The following CDH18 variants were observed in gnomAD, a reference collection of about 807,000 sequenced individuals.
The protein encoded by CDH18 is cadherin 18.
Under a neutral mutation model 67.9 loss-of-function variants are expected in CDH18, and 31 were observed. The observed-to-expected ratio is 0.46, with a 90% confidence interval of 0.34 to 0.62. The LOEUF is 0.62. Among genes scored for constraint, CDH18 ranks in the 20% least tolerant of loss-of-function variants. The probability of loss-of-function intolerance (pLI) is 0.01; values close to 1 mark genes in which losing one functional copy is unlikely to be tolerated. For synonymous variants in CDH18, 362 were observed against 347.2 expected, an observed-to-expected ratio of 1.04 and a Z score of -0.48; for missense variants, 890 against 975.5, an observed-to-expected ratio of 0.91 and a Z score of 1.17.
Position 20,299,613 on chromosome 5 carries a change from G to T in CDH18, c.-579-44108C>A, listed in dbSNP as rs899754749. 8.5e-5 allele frequency among the ~76,000 whole-genome samples: 13 copies of T among 152,088 alleles called. No individual in the cohort carries two copies. The East Asian group carries it at 2.5e-3, about 30-fold the overall frequency. On this transcript the variant is annotated intron_variant, in intron 1 of 14. Coordinates refer to the CDH18 transcript ENST00000507958. ...GTCTCTACTAAAAATACAAAAATTA[G>T]CCGGGCGTGGTGGTGCATGCCTGTA...
At chr5:20,385,040 T>C (rs1323381135) in intron 1 of CDH18, among the ~76,000 whole-genome samples, 2 of 152,144 alleles carry the variant, frequency 1.3e-5, no homozygotes, top group African/African-American at 4.8e-5. Context: ...TTTCGCCATG[T>C]TGGCCAGGCT....
rs565679762 is a variant in CDH18 at position 20,493,532 on chromosome 5, G to A, written c.-580+81930C>T. Among the ~76,000 whole-genome samples the A allele has an allele frequency of 2.6e-5, 4 of 152,172 alleles. No homozygotes were observed. The East Asian group carries it at 7.8e-4, about 30-fold the overall frequency. ...CAGCTACCATCATTTGCATAAGGCA[G>A]ACCCCAAGGCAGGTGGGGTGCTGGA... On this transcript the variant is annotated intron_variant, in intron 1 of 14. Coordinates refer to the CDH18 transcript ENST00000507958.
At chr5:20,304,917 G>C in intron 1 of CDH18, 1 of 1,613,016 alleles carries the variant, frequency 6.2e-7, no homozygotes, top group Non-Finnish European at 8.5e-7. Context: ...CACAGAGGGG[G>C]TTTGTATTCA....
chr5:19,669,893 A>C (rs926902599), intron 5 of CDH18, among the ~76,000 whole-genome samples: 1 of 152,102 alleles, frequency 6.6e-6, no homozygotes, highest in Non-Finnish European at 1.5e-5. Flanking sequence ...AACAGAATCA[A>C]ATTTTATGTT....
intron 3 of CDH18, among the ~76,000 whole-genome samples, chr5:19,756,550 C>T (rs567905005): frequency 3.0e-4 from 45 of 152,274 alleles, no homozygotes; most frequent in Middle Eastern, 3.4e-3. Context: ...AAATGGATCT[C>T]CTGTATCCCA....
intron 2 of CDH18, among the ~76,000 whole-genome samples, chr5:20,020,089 T>G (rs1019516539): frequency 2.0e-5 from 3 of 152,126 alleles, no homozygotes; most frequent in Non-Finnish European, 4.4e-5. Context: ...ACTTTGAACT[T>G]CAGAGAGATG....
At chr5:20,250,568 G>A (rs1013443892) in intron 2 of CDH18, among the ~76,000 whole-genome samples, 2 of 141,948 alleles carry the variant, frequency 1.4e-5, no homozygotes, top group African/African-American at 5.3e-5. Flanking sequence ...TGGGATTACA[G>A]GCGTGAGCCA....
intron 1 of CDH18, among the ~76,000 whole-genome samples, chr5:20,363,914 A>T (rs1392947861): frequency 6.6e-6 from 1 of 152,086 alleles, no homozygotes; most frequent in African/African-American, 2.4e-5. Flanking sequence ...GTCAGGCACT[A>T]CCATGTCCAT....
rs1046692297 is a variant in CDH18, at chr5:19,747,076, G to A, written c.389C>T (p.Ala130Val). Reference sequence around the variant, plus strand: ...AGGTTTGTTTGTACGTCTATCAATAGCTTGAGCATGAAGCACATAGTGGGT... The same window carrying A: ...AGGTTTGTTTGTACGTCTATCAATAACTTGAGCATGAAGCACATAGTGGGT... The part of the protein sequence containing the change: ...QKTHYVLHAQ[A>V]IDRRTNKPLE... Residue 130 changes from alanine (A) to valine (V), a missense_variant, in exon 4 of 13, where the codon GCT (alanine) becomes GTT (valine). Coordinates refer to ENST00000382275, the MANE Select transcript of CDH18 (RefSeq NM_004934.5). The A allele has an allele frequency of 6.2e-7, 1 of 1,614,056 alleles. No homozygotes were observed. The highest frequency in any genetic ancestry group is 8.5e-7 in the Non-Finnish European group (1 of 1,180,000).
intron 2 of CDH18, among the ~76,000 whole-genome samples, chr5:20,194,140 T>G (rs1040839387): frequency 6.6e-6 from 1 of 151,944 alleles, no homozygotes; most frequent in Non-Finnish European, 1.5e-5. Flanking sequence ...GAGAAAGAAA[T>G]AAAGGGTATT....
chr5:20,502,669 G>A (rs919073946), intron 1 of CDH18, among the ~76,000 whole-genome samples: 2 of 152,138 alleles, frequency 1.3e-5, no homozygotes, highest in African/African-American at 4.8e-5. Flanking sequence ...AGATAAATAT[G>A]ATCATGACAT....
intron 1 of CDH18, among the ~76,000 whole-genome samples, chr5:20,522,871 C>G (rs1281877197): frequency 6.6e-6 from 1 of 152,104 alleles, no homozygotes; most frequent in Non-Finnish European, 1.5e-5. Context: ...GAATAAAAAT[C>G]CAATAACTCA....
chr5:20,016,862 A>C (rs551227517), intron 2 of CDH18, among the ~76,000 whole-genome samples: 67 of 152,250 alleles, frequency 4.4e-4, no homozygotes, highest in African/African-American at 1.4e-3. Context: ...TGCAGTTTCC[A>C]AGTCATGTTA....
intron 4 of CDH18, among the ~76,000 whole-genome samples, chr5:19,728,028 T>C (rs1767079075): frequency 6.6e-6 from 1 of 152,134 alleles, no homozygotes; most frequent in African/African-American, 2.4e-5. Flanking sequence ...ATTTTATGCA[T>C]AGTAGAAAAG....
intron 3 of CDH18, among the ~76,000 whole-genome samples, chr5:19,784,760 C>T (rs1273873129): frequency 6.6e-6 from 1 of 152,098 alleles, no homozygotes; most frequent in East Asian, 1.9e-4. Flanking sequence ...CTAGGAGAGA[C>T]TAACTAGGAG....
intron 4 of CDH18, among the ~76,000 whole-genome samples, chr5:19,740,564 C>G (rs1768975079): frequency 1.3e-5 from 2 of 152,070 alleles, no homozygotes; most frequent in South Asian, 4.1e-4. Context: ...AGACAAACAC[C>G]TTTACCAGCT....
At chr5:20,394,119 A>C (rs1262985171) in intron 1 of CDH18, among the ~76,000 whole-genome samples, 4 of 152,078 alleles carry the variant, frequency 2.6e-5, no homozygotes, top group Non-Finnish European at 5.9e-5. Flanking sequence ...CCAAGCAAAA[A>C]AAGTACAAAT....
chr5:20,427,620 A>G (rs1179848430), intron 1 of CDH18, among the ~76,000 whole-genome samples: 1 of 151,186 alleles, frequency 6.6e-6, no homozygotes, highest in African/African-American at 2.5e-5. Flanking sequence ...GGTAAAATTT[A>G]TTACACATTA....
intron 1 of CDH18, among the ~76,000 whole-genome samples, chr5:20,519,325 A>G (rs928399262): frequency 6.6e-5 from 10 of 152,160 alleles, no homozygotes; most frequent in African/African-American, 2.4e-4. Flanking sequence ...TTGTAGGGAC[A>G]TGGATGAAAC....
Sources: allele counts gnomAD v4.1 joint callset (sites outside exome capture counted in the v4.1 genomes callset), GRCh38; gene constraint gnomAD v4.1.1; transcripts MANE v1.5; gene names NCBI Gene and HGNC (gene_info 2026-07-23, HGNC 2026-07-21).